HERC2: variants seen among roughly 807,000 people sequenced by gnomAD.
The protein encoded by HERC2 is E3 ubiquitin-protein ligase HERC2.
In HERC2, 102 loss-of-function variants were observed where a neutral mutation model predicts 537.7. The ratio of observed to expected loss-of-function variants is 0.19; its 90% CI spans 0.16 to 0.22. HERC2 has a LOEUF of 0.22. HERC2 is among the 10% of genes least tolerant of loss of function. The pLI is 1.00. For synonymous variants in HERC2, 2,224 were observed against 2,466.2 expected, an observed-to-expected ratio of 0.90 and a Z score of 2.91; for missense variants, 4,236 against 6,198.2, an observed-to-expected ratio of 0.68 and a Z score of 10.63.
chr15:28,145,601 C>T (rs1433766200), intron 71 of HERC2, among the ~76,000 whole-genome samples: 3 of 152,220 alleles, frequency 2.0e-5, no homozygotes, highest in African/African-American at 7.2e-5. Context: ...GACACAGCCA[C>T]GCCCATTCTC....
At chr15:28,243,177 G>A (rs752086657) in intron 23 of HERC2, among the ~76,000 whole-genome samples, 1 of 152,178 alleles carries the variant, frequency 6.6e-6, no homozygotes, top group African/African-American at 2.4e-5. Flanking sequence ...ACCCAAAGGT[G>A]CTGGCACAAA....
chr15:28,261,063 T>A, intron 15 of HERC2, 93 bp from the exon 16 acceptor site: 1 of 829,752 alleles, frequency 1.2e-6, no homozygotes, highest in Non-Finnish European at 1.9e-6. Context: ...AGACAGCTTT[T>A]AACATTAACT....
rs535841926 is a variant in HERC2 at position 28,114,887 on chromosome 15, A to G, written c.13723-85T>C. 7.5e-5 allele frequency: 87 copies of G among 1,153,770 alleles called. No homozygotes were observed. In the African/African-American group the frequency reaches 1.3e-3, roughly 17 times the overall value. The allele number at this position is 1,153,770 out of a possible 1,614,324, so 71.5% of individuals were successfully genotyped here. A position where few individuals can be genotyped will look rare whatever the true frequency, so the allele number is the denominator to read the frequency against. On this transcript the variant is annotated intron_variant, in intron 89 of 92. Transcript: ENST00000261609. Reference sequence around the variant, plus strand: ...CCAGTCCACCCAGCACACTCTGTCAAGCAGGAACCAGGGTCAGCCTCAAGT... The same window carrying G: ...CCAGTCCACCCAGCACACTCTGTCAGGCAGGAACCAGGGTCAGCCTCAAGT...
intron 19 of HERC2, among the ~76,000 whole-genome samples, chr15:28,254,857 G>A (rs1596330563): frequency 1.3e-5 from 2 of 152,210 alleles, no homozygotes; most frequent in Non-Finnish European, 2.9e-5. Context: ...GCTTTGTAAG[G>A]ACAAGAAGAA....
rs765886013 is a variant in HERC2 at position 28,218,480 on chromosome 15, A to T, written c.6028+9T>A. On this transcript the variant is annotated intron_variant, in intron 38 of 92. Coordinates refer to ENST00000261609, the MANE Select transcript of HERC2 (RefSeq NM_004667.6). ...TGACTCCCTGGGCCCTCGATCTCTCATTCCATACATGTCTTGTCCGTCGTT... is the reference window on the plus strand; with the variant it reads ...TGACTCCCTGGGCCCTCGATCTCTCTTTCCATACATGTCTTGTCCGTCGTT... 5 of 1,590,220 alleles carry T rather than the reference A, an allele frequency of 3.1e-6. No homozygotes were observed. In the African/African-American group the frequency reaches 6.9e-5, roughly 22 times the overall value.
intron 86 of HERC2, among the ~76,000 whole-genome samples, chr15:28,118,909 C>A (rs192216921): frequency 9.8e-5 from 15 of 152,332 alleles, no homozygotes; most frequent in African/African-American, 3.6e-4. Context: ...CGTGGCTGAG[C>A]CAGAGCAGCC....
chr15:28,315,689 C>G, intron 2 of HERC2: 1 of 786,230 alleles, frequency 1.3e-6, no homozygotes. Flanking sequence ...GAAACCTCTG[C>G]GCCATGAGAG....
chr15:28,269,200 C>A (rs745815406), intron 11 of HERC2, 48 bp downstream of exon 11: 86 of 1,518,918 alleles, frequency 5.7e-5, no homozygotes, highest in Middle Eastern at 3.8e-4. Flanking sequence ...GTAGGACAGA[C>A]CCTGCCCCGC....
At chr15:28,294,303 G>A (rs541245391) in intron 3 of HERC2, among the ~76,000 whole-genome samples, 1 of 151,322 alleles carries the variant, frequency 6.6e-6, no homozygotes, top group African/African-American at 2.4e-5. Flanking sequence ...TTCAGCAAAT[G>A]ACATAAACCC....
chr15:28,214,042 T>C lies in HERC2; in HGVS notation c.6555+34A>G, dbSNP rs769144284. The stretch of plus-strand genomic sequence containing the variant: ...CTGCCCAATCCCTACAGGTTCACCG[T>C]TGAACTAAATTAATTCTGAGAACAC... On this transcript the variant is annotated intron_variant, in intron 41 of 92. Transcript: ENST00000261609. 8 of 1,612,196 alleles carry C rather than the reference T, an allele frequency of 5.0e-6. No individual in the cohort carries two copies. In the African/African-American group the frequency reaches 6.7e-5, roughly 13 times the overall value.
intron 86 of HERC2, chr15:28,117,626 C>G (rs1888421104): frequency 2.5e-5 from 11 of 442,928 alleles, no homozygotes; most frequent in South Asian, 1.8e-4. Flanking sequence ...CAACCCAATG[C>G]CCCTGAGACT....
chr15:28,177,572 T>C lies in HERC2; in HGVS notation c.9164-63A>G. On this transcript the variant is annotated intron_variant, in intron 59 of 92. Transcript: ENST00000261609. This position sits in a 1 kb window ranked among gnomAD's most constrained non-coding sequence, Gnocchi z 5.0. ...GGGAACAGAAAGCCCACAGCATAGC[T>C]AGCTCCCTATTTTGCCTGGCATATA... 1 of 1,473,158 alleles carries C rather than the reference T, an allele frequency of 6.8e-7. No homozygotes were observed. Among genetic ancestry groups the C allele is most frequent in the Non-Finnish European group, 9.5e-7 (1 of 1,052,698 alleles). The allele number at this position is 1,473,158 out of a possible 1,614,324, so 91.3% of individuals were successfully genotyped here. A position where few individuals can be genotyped will look rare whatever the true frequency, so the allele number is the denominator to read the frequency against.
intron 2 of HERC2, chr15:28,320,074 C>G (rs1422641553): frequency 9.4e-4 from 143 of 151,888 alleles, no homozygotes; most frequent in African/African-American, 3.4e-3. Flanking sequence ...TGTACTCTGT[C>G]TTATGTAACA....
At chr15:28,221,907 T>C (rs1260955439) in intron 36 of HERC2, 121 bp downstream of exon 36, 2 of 880,144 alleles carry the variant, frequency 2.3e-6, no homozygotes, top group African/African-American at 1.6e-5. Context: ...AACCAACACC[T>C]GTGTCATCAA....
intron 7 of HERC2, among the ~76,000 whole-genome samples, 169 bp downstream of exon 7, chr15:28,274,122 C>T (rs1039078568): frequency 6.6e-6 from 1 of 152,164 alleles, no homozygotes; most frequent in East Asian, 1.9e-4. Flanking sequence ...TAAATCAAAT[C>T]GCCTGAAAAG....
At chr15:28,199,410 T>C (rs1225583132) in intron 48 of HERC2, among the ~76,000 whole-genome samples, 1 of 152,138 alleles carries the variant, frequency 6.6e-6, no homozygotes, top group African/African-American at 2.4e-5. Context: ...ATCATGATAA[T>C]AAGGAAAACA....
At position 28,201,484 on chromosome 15, in the gene HERC2, T is replaced by C; in HGVS notation, c.7688A>G (p.Tyr2563Cys). ...AATATTCTCTCTCACATATACAGCA[T>C]AATCATCATTACTCAAGAAATCAGC... ...KRADFLSNDD[Y>C]AVYVRENIQV... Residue 2563 changes from tyrosine (Y) to cysteine (C), a missense_variant, in exon 48 of 93, where the codon TAT becomes TGT. Tyr to Cys is a radical substitution (Grantham distance 194). Coordinates refer to ENST00000261609, the MANE Select transcript of HERC2 (RefSeq NM_004667.6). 1 of 1,610,970 alleles carries C rather than the reference T, an allele frequency of 6.2e-7. No individual in the cohort carries two copies. Among genetic ancestry groups the C allele is most frequent in the Non-Finnish European group, 8.5e-7 (1 of 1,177,108 alleles).
At chr15:28,135,833 A>C (rs1890577600) in intron 78 of HERC2, 141 bp from the exon 79 acceptor site, 1 of 642,264 alleles carries the variant, frequency 1.6e-6, no homozygotes, top group African/African-American at 1.8e-5. Flanking sequence ...CAGGAATATA[A>C]GTTTATGCCT....
chr15:28,243,678 G>A (rs1903365070), intron 23 of HERC2, among the ~76,000 whole-genome samples: 1 of 152,146 alleles, frequency 6.6e-6, no homozygotes. Flanking sequence ...ACCACAATGA[G>A]ATACCAGTGT....
Sources: gnomAD v4.1 joint callset for allele counts (sites outside exome capture counted in the v4.1 genomes callset) on GRCh38, gnomAD v4.1.1 for gene constraint, Gnocchi (gnomAD v3.1) non-coding constraint, MANE v1.5 for transcripts, NCBI Gene and HGNC (gene_info 2026-07-23, HGNC 2026-07-21) for gene names.